MTM1: variants seen among roughly 807,000 people sequenced by gnomAD.
MTM1 encodes the protein myotubularin.
Under a neutral mutation model 52.1 loss-of-function variants are expected in MTM1, and 9 were observed. The observed-to-expected ratio is 0.17, with a 90% confidence interval of 0.10 to 0.30. The LOEUF is 0.30. Among genes scored for constraint, MTM1 ranks in the 10% least tolerant of loss-of-function variants. The pLI, the probability that MTM1 is intolerant of heterozygous loss-of-function variation, is 1.00. For missense variants in MTM1, 277 were observed against 470.7 expected (o/e 0.59, Z 3.81); for synonymous variants, 136 against 163.8 (o/e 0.83, Z 1.29).
In MTM1 at chrX:150,614,718, T is replaced by C. The variant is rs782657176; in HGVS notation, c.342+19T>C. 16 of 905,570 alleles carry C rather than the reference T, an allele frequency of 1.8e-5. No homozygotes were observed. The East Asian group carries it at 2.8e-4, about 16-fold the overall frequency. 74.6% of individuals were successfully genotyped at this position (905,570 alleles called of 1,213,427 possible). ...TTGTAAAGTAAGAGATTCGATACTT[T>C]CTTATGCAAAGAACAAGGCACGTTA... On this transcript the variant is annotated intron_variant, in intron 5 of 14. Transcript: ENST00000370396.
chrX:150,668,111 C>T (rs1190186210), intron 14 of MTM1, among the ~76,000 whole-genome samples: 2 of 112,434 alleles, frequency 1.8e-5, no homozygotes, highest in African/African-American at 3.2e-5. Flanking sequence ...GAGATTGCAG[C>T]GATGCTGCCA....
At chrX:150,611,707 C>T (rs1215994459) in intron 4 of MTM1, among the ~76,000 whole-genome samples, 4 of 111,407 alleles carry the variant, frequency 3.6e-5, no homozygotes, top group African/African-American at 1.3e-4. Context: ...CATTTGATCC[C>T]AGGTAACCAC....
intron 5 of MTM1, among the ~76,000 whole-genome samples, chrX:150,615,500 A>G (rs1231904195): frequency 9.2e-6 from 1 of 108,382 alleles, no homozygotes; most frequent in Non-Finnish European, 1.9e-5. Context: ...AAAAAAAAAA[A>G]CAGTCTTAAT....
intron 10 of MTM1, among the ~76,000 whole-genome samples, chrX:150,651,618 G>A (rs1335540201): frequency 9.0e-6 from 1 of 110,871 alleles, no homozygotes; most frequent in African/African-American, 3.3e-5. Flanking sequence ...GGTAGTGATG[G>A]GCCGTCCACC....
At chrX:150,624,818 A>C (rs2039540434) in intron 6 of MTM1, among the ~76,000 whole-genome samples, 1 of 112,533 alleles carries the variant, frequency 8.9e-6, no homozygotes, top group Admixed American at 9.4e-5. Flanking sequence ...CATTTTAGGT[A>C]ATGGTAGAAT....
upstream of MTM1, among the ~76,000 whole-genome samples, chrX:150,564,380 T>TTTA (rs1175557401): frequency 2.3e-4 from 26 of 110,889 alleles, no homozygotes; most frequent in Admixed American, 7.7e-4. Flanking sequence ...TTTACTATTT[T>TTTA]TTATTATTAT....
chrX:150,601,855 T>C (rs1210891284), intron 4 of MTM1, among the ~76,000 whole-genome samples: 1 of 112,396 alleles, frequency 8.9e-6, no homozygotes, highest in Non-Finnish European at 1.9e-5. Context: ...TTCTGACTCC[T>C]CCAACCTTGA....
intron 10 of MTM1, among the ~76,000 whole-genome samples, chrX:150,656,604 G>C (rs782637345): frequency 8.9e-6 from 1 of 112,058 alleles, no homozygotes; most frequent in South Asian, 3.7e-4. Context: ...TTTGGCTTTT[G>C]GTTTGTTTCA....
intron 8 of MTM1, among the ~76,000 whole-genome samples, chrX:150,641,940 G>A (rs1305385466): frequency 1.8e-5 from 2 of 110,932 alleles, no homozygotes; most frequent in African/African-American, 3.3e-5. Context: ...CTATCCATAC[G>A]GTATCACTGC....
Position 150,583,877 on chromosome X carries a change from TTAAA to T in MTM1, c.-10-8725_-10-8722del, listed in dbSNP as rs1412141049. Among the ~76,000 whole-genome samples, 5 of 37,686 alleles carry T rather than the reference TTAAA, an allele frequency of 1.3e-4. 1 individual carries two copies. The highest frequency in any genetic ancestry group is 2.4e-4 in the African/African-American group (2 of 8,490). The allele number at this position is 37,686 out of a possible 115,157, so 32.7% of individuals were successfully genotyped here. On this transcript the variant is annotated intron_variant, in intron 1 of 14. Coordinates refer to ENST00000370396, the MANE Select transcript of MTM1 (RefSeq NM_000252.3). ...ATATAAAATATATATTAAATATATA[TTAAA>T]TATATATATATATTTGATATATATA...
Position 150,672,413 on chromosome X carries a change from C to T in MTM1, c.*818C>T, listed in dbSNP as rs905728275. 8.9e-6 allele frequency: 1 copy of T among 111,860 alleles called. No homozygotes were observed. Among genetic ancestry groups the T allele is most frequent in the African/African-American group, 3.2e-5 (1 of 30,775 alleles). 9.2% of individuals were successfully genotyped at this position (111,860 alleles called of 1,213,427 possible). ...ATCCTGCTGCTTAGGGGAATGTTTT[C>T]GCAAATGTTGCTCTAGTCAGTCCAG... On this transcript the variant is annotated 3_prime_UTR_variant, in exon 15 of 15. Coordinates refer to ENST00000370396, the MANE Select transcript of MTM1 (RefSeq NM_000252.3).
chrX:150,644,350 A>G lies in MTM1; in HGVS notation c.679-1333A>G, dbSNP rs782475251. Among the ~76,000 whole-genome samples the G allele has an allele frequency of 4.5e-5, 5 of 110,763 alleles. No individual in the cohort carries two copies. The South Asian group carries it at 1.9e-3, about 42-fold the overall frequency. ...TTAGGTCCCACTGGTACCTTCTCCA[A>G]GGCTCCCAGTTCTGAGCCTTTGGAC... is the stretch of plus-strand genomic sequence containing the variant. On this transcript the variant is annotated intron_variant, in intron 8 of 14. Transcript: ENST00000370396.
At chrX:150,590,309 A>G (rs782735088) in intron 1 of MTM1, among the ~76,000 whole-genome samples, 8 of 112,550 alleles carry the variant, frequency 7.1e-5, no homozygotes, top group Middle Eastern at 4.6e-3. Context: ...TAACAGTAGT[A>G]GTAGTGTCTG....
At chrX:150,593,255 G>C (rs1303575641) in intron 2 of MTM1, among the ~76,000 whole-genome samples, 16 of 112,538 alleles carry the variant, frequency 1.4e-4, no homozygotes, top group Non-Finnish European at 1.3e-4. Context: ...ATTACTGCTA[G>C]ACCTCATGTT....
intron 4 of MTM1, among the ~76,000 whole-genome samples, chrX:150,608,743 ACTC>A (rs1484370948): frequency 9.1e-6 from 1 of 109,630 alleles, no homozygotes; most frequent in Non-Finnish European, 1.9e-5. Flanking sequence ...TCTGGAACTT[ACTC>A]CTCCTATTAA....
rs1557413847 is a variant in MTM1, at chrX:150,641,255, T to G, written c.529-14T>G. On this transcript the variant is annotated splice_polypyrimidine_tract_variant and intron_variant, in intron 7 of 14. Coordinates refer to ENST00000370396, the MANE Select transcript of MTM1 (RefSeq NM_000252.3). ...TCAAGCAATACTGACTTGAATTTCT[T>G]TTTTTCCTCACAGGGCTTGCCCAAT... 5 of 1,209,428 alleles carry G rather than the reference T, an allele frequency of 4.1e-6. No homozygotes were observed. Among genetic ancestry groups the G allele is most frequent in the Non-Finnish European group, 5.6e-6 (5 of 894,999 alleles).
At chrX:150,651,093 C>T (rs1179547547) in intron 10 of MTM1, among the ~76,000 whole-genome samples, 3 of 112,257 alleles carry the variant, frequency 2.7e-5, no homozygotes, top group African/African-American at 9.7e-5. Context: ...TCTCTTTTTA[C>T]ACATACCTAT....
At chrX:150,611,543 G>C (rs2039277872) in intron 4 of MTM1, among the ~76,000 whole-genome samples, 1 of 111,724 alleles carries the variant, frequency 9.0e-6, no homozygotes, top group Non-Finnish European at 1.9e-5. Context: ...AAATAGAAGA[G>C]GTCCTTTGTA....
At chrX:150,579,582 A>G (rs1369327528) in intron 1 of MTM1, among the ~76,000 whole-genome samples, 3 of 110,684 alleles carry the variant, frequency 2.7e-5, no homozygotes, top group Non-Finnish European at 5.7e-5. Context: ...TGTAGCCTCA[A>G]CCTCCTGGGC....
Sources: allele counts gnomAD v4.1 joint callset (sites outside exome capture counted in the v4.1 genomes callset), GRCh38; gene constraint gnomAD v4.1.1; transcripts MANE v1.5; gene names NCBI Gene and HGNC (gene_info 2026-07-23, HGNC 2026-07-21).